The following IST1 variants were observed in gnomAD, a reference collection of about 807,000 sequenced individuals.
The protein encoded by IST1 is IST1 homolog.
In IST1, 23 loss-of-function variants were observed where a neutral mutation model predicts 37.0. The observed-to-expected ratio is 0.62, with a 90% confidence interval of 0.45 to 0.88. The LOEUF is 0.88. IST1 is among the 40% of genes least tolerant of loss of function. IST1 has a pLI of 0.00. For missense variants in IST1, 488 were observed against 445.4 expected (o/e 1.10, Z -0.86); for synonymous variants, 180 against 161.7 (o/e 1.11, Z -0.86).
At chr16:71,909,562 T>G (rs1286684313) in intron 1 of IST1, among the ~76,000 whole-genome samples, 1 of 152,204 alleles carries the variant, frequency 6.6e-6, no homozygotes, top group African/African-American at 2.4e-5. Context: ...TACCTTTCAT[T>G]AAAGCATACT....
intron 3 of IST1, 24 bp downstream of exon 3, chr16:71,916,666 C>T (rs1474969589): frequency 6.3e-7 from 1 of 1,584,816 alleles, no homozygotes; most frequent in Non-Finnish European, 8.6e-7. Flanking sequence ...ATTCAGAGAC[C>T]TAAATCATTT....
At position 71,922,618 on chromosome 16, in the gene IST1, CCCAT is replaced by C; in HGVS notation, c.698_701del (p.Pro233ArgfsTer52). On this transcript the variant is annotated frameshift_variant, in exon 7 of 10. Coordinates refer to ENST00000378799, the MANE Select transcript of IST1 (RefSeq NM_001270975.2). LOFTEE classifies it high-confidence loss of function. ...TGATGGAACGGTGCCAATGCCCATG[CCCAT>C]GCCCATGCCTATGCCATCTGCAAAT... 6.2e-7 allele frequency: 1 copy of C among 1,612,450 alleles called. No individual in the cohort carries two copies. The highest frequency in any genetic ancestry group is 1.1e-5 in the South Asian group (1 of 90,972).
chr16:71,920,847 G>T, intron 5 of IST1, 25 bp downstream of exon 5: 3 of 1,533,248 alleles, frequency 2.0e-6, no homozygotes, highest in Non-Finnish European at 1.8e-6. Context: ...TGGTAAACAT[G>T]AAGGCAGTGT....
intron 6 of IST1, 125 bp downstream of exon 6, chr16:71,921,578 C>G: frequency 1.6e-6 from 1 of 625,398 alleles, no homozygotes; most frequent in South Asian, 1.9e-5. Flanking sequence ...CAGTTAGTAC[C>G]TTTATGACAA....
At position 71,927,932 on chromosome 16, in the gene IST1, C is replaced by T. The variant is rs1803859; in HGVS notation, c.*119C>T. The T allele has an allele frequency of 7.0e-6, 5 of 715,158 alleles. No homozygotes were observed. The highest frequency in any genetic ancestry group is 5.3e-5 in the African/African-American group (3 of 56,926). The allele number at this position is 715,158 out of a possible 1,614,324, so 44.3% of individuals were successfully genotyped here. A position where few individuals can be genotyped will look rare whatever the true frequency, so the allele number is the denominator to read the frequency against. ...GTTAACCGTCACTCAGCACAACACT[C>T]CCTCTGGGCTCTCTTCCTGCTCCTC... On this transcript the variant is annotated 3_prime_UTR_variant, in exon 10 of 10. Transcript: ENST00000378799.
At chr16:71,920,454 T>C (rs1466044247) in intron 4 of IST1, among the ~76,000 whole-genome samples, 4 of 152,242 alleles carry the variant, frequency 2.6e-5, no homozygotes, top group Non-Finnish European at 5.9e-5. Context: ...CTTTGTACAA[T>C]TTGATTAATG....
chr16:71,915,455 G>T (rs1307955620), intron 1 of IST1, 171 bp from the exon 2 acceptor site: 1 of 531,646 alleles, frequency 1.9e-6, no homozygotes, highest in East Asian at 3.3e-5. Flanking sequence ...TCCCCAATCA[G>T]TTTTTTTTAC....
rs369891442 is a variant in IST1, at chr16:71,930,100, G to A, written c.*2287G>A. 96 of 1,551,350 alleles carry A rather than the reference G, an allele frequency of 6.2e-5. No individual in the cohort carries two copies. Among genetic ancestry groups the A allele is most frequent in the African/African-American group, 2.3e-4 (17 of 73,034 alleles). ...CAAAGGCCATGAGAATGGCCGAAACGAAAAGATTAATTACCACAAGTACCA... is the reference window on the plus strand; with the variant it reads ...CAAAGGCCATGAGAATGGCCGAAACAAAAAGATTAATTACCACAAGTACCA... On this transcript the variant is annotated 3_prime_UTR_variant, in exon 10 of 10. Coordinates refer to ENST00000378799, the MANE Select transcript of IST1 (RefSeq NM_001270975.2).
At chr16:71,916,054 C>G (rs757862755) in intron 2 of IST1, among the ~76,000 whole-genome samples, 1 of 152,102 alleles carries the variant, frequency 6.6e-6, no homozygotes, top group African/African-American at 2.4e-5. Flanking sequence ...TGGTCTTGCA[C>G]TCATGACCTC....
At chr16:71,895,807 C>A (rs940923556) in intron 1 of IST1, among the ~76,000 whole-genome samples, 6 of 152,192 alleles carry the variant, frequency 3.9e-5, no homozygotes, top group Non-Finnish European at 7.3e-5. Context: ...GGGTGGGGGG[C>A]GTGGCAGGGC....
chr16:71,927,412 C>A lies in IST1; in HGVS notation c.902-202C>A, dbSNP rs557167399. On this transcript the variant is annotated intron_variant, in intron 9 of 9. Transcript: ENST00000378799. ...GCTGAGGCAGGAGAATTGCCTGAAC[C>A]CAGGAGGCAGAGGTGCAGTGAGCTG... 6.6e-5 allele frequency among the ~76,000 whole-genome samples: 10 copies of A among 151,702 alleles called. No individual in the cohort carries two copies. In the South Asian group the frequency reaches 2.1e-3, roughly 32 times the overall value.
At position 71,915,618 on chromosome 16, in the gene IST1, G is replaced by A; in HGVS notation, c.-15-8G>A. On this transcript the variant is annotated splice_polypyrimidine_tract_variant and splice_region_variant and intron_variant, in intron 1 of 9. Coordinates refer to ENST00000378799, the MANE Select transcript of IST1 (RefSeq NM_001270975.2). The stretch of plus-strand genomic sequence containing the variant: ...TGAAAATAGTCATTGTGCTTCTTCT[G>A]TTTCTAGGAGGAACAGCACAGCATG... 1.3e-6 allele frequency: 2 copies of A among 1,593,342 alleles called. No homozygotes were observed. Among genetic ancestry groups the A allele is most frequent in the Non-Finnish European group, 1.7e-6 (2 of 1,170,586 alleles).
chr16:71,911,769 TGCAGTG>T (rs2037360678), intron 1 of IST1, among the ~76,000 whole-genome samples: 1 of 144,534 alleles, frequency 6.9e-6, no homozygotes, highest in Non-Finnish European at 1.5e-5. Context: ...CAGGCTGGAG[TGCAGTG>T]GCACAGTAAT....
intron 2 of IST1, among the ~76,000 whole-genome samples, chr16:71,915,989 C>T (rs888223757): frequency 3.9e-5 from 6 of 152,030 alleles, no homozygotes; most frequent in Non-Finnish European, 8.8e-5. Flanking sequence ...TGCCACCACA[C>T]CTGGCTAATT....
At chr16:71,914,138 A>G (rs116545228) in intron 1 of IST1, among the ~76,000 whole-genome samples, 5,667 of 147,596 alleles carry the variant, frequency 0.038, 334 homozygotes, top group African/African-American at 0.13. Flanking sequence ...TTTCCAGTAG[A>G]ATACAGGTTC....
chr16:71,903,934 CTG>C (rs908225787), intron 1 of IST1, among the ~76,000 whole-genome samples: 1 of 152,138 alleles, frequency 6.6e-6, no homozygotes, highest in African/African-American at 2.4e-5. Context: ...CCTTTCCTCT[CTG>C]TTAGTTTTTG....
At chr16:71,922,331 C>T (rs906142093) in intron 6 of IST1, 143 bp from the exon 7 acceptor site, 2 of 707,432 alleles carry the variant, frequency 2.8e-6, no homozygotes, top group African/African-American at 3.5e-5. Flanking sequence ...CCACCTAACT[C>T]TGCCTTTTCT....
In IST1 at chr16:71,918,966, C is replaced by G. The variant is rs989632551; in HGVS notation, c.358-1773C>G. Among the ~76,000 whole-genome samples, 3 of 152,216 alleles carry G rather than the reference C, an allele frequency of 2.0e-5. No individual in the cohort carries two copies. The East Asian group carries it at 5.8e-4, about 29-fold the overall frequency. On this transcript the variant is annotated intron_variant, in intron 4 of 9. Transcript: ENST00000378799. ...GGGCTTCTGGAATGTTGGGACCACTCTGGTCCAATGCTACTGTCGTTTCCT... is the reference window on the plus strand; with the variant it reads ...GGGCTTCTGGAATGTTGGGACCACTGTGGTCCAATGCTACTGTCGTTTCCT...
intron 6 of IST1, among the ~76,000 whole-genome samples, chr16:71,922,176 G>A (rs2037607335): frequency 6.6e-6 from 1 of 152,152 alleles, no homozygotes; most frequent in African/African-American, 2.4e-5. Context: ...GGTCAGTGGG[G>A]TGTGGTGGAT....
Sources: allele counts gnomAD v4.1 joint callset (sites outside exome capture counted in the v4.1 genomes callset), GRCh38; gene constraint gnomAD v4.1.1; transcripts MANE v1.5; gene names NCBI Gene and HGNC (gene_info 2026-07-23, HGNC 2026-07-21).